Variants in ZFHX3 observed in about 807,000 individuals in gnomAD.
ZFHX3 encodes zinc finger homeobox 3, also known as zinc finger homeobox protein 3.
In ZFHX3, 42 loss-of-function variants were observed where a neutral mutation model predicts 279.1. The ratio of observed to expected loss-of-function variants is 0.15; its 90% CI spans 0.12 to 0.19. ZFHX3 has a LOEUF of 0.19. ZFHX3 is among the 10% of genes least tolerant of loss of function. The pLI is 1.00. For missense variants in ZFHX3, 4,981 were observed against 4,754.0 expected, an observed-to-expected ratio of 1.05 and a Z score of -1.40; for synonymous variants, 2,293 against 1,957.8, an observed-to-expected ratio of 1.17 and a Z score of -4.52.
intron 5 of ZFHX3, among the ~76,000 whole-genome samples, chr16:73,206,318 C>G (rs1250820767): frequency 6.6e-6 from 1 of 152,102 alleles, no homozygotes; most frequent in Non-Finnish European, 1.5e-5. Flanking sequence ...TGCTGTGCCC[C>G]CAGGTCATCA....
At chr16:73,705,444 A>C (rs1265015675) in intron 1 of ZFHX3, among the ~76,000 whole-genome samples, 1 of 152,200 alleles carries the variant, frequency 6.6e-6, no homozygotes, top group African/African-American at 2.4e-5. Context: ...ACCTTGGGCC[A>C]GTATACTCTG....
intron 3 of ZFHX3, among the ~76,000 whole-genome samples, chr16:73,359,796 T>C (rs919670099): frequency 1.3e-5 from 2 of 152,232 alleles, no homozygotes; most frequent in East Asian, 3.9e-4. Flanking sequence ...CAAGGGAACA[T>C]TGATTTCCGC....
At chr16:73,139,442 T>C (rs1033378257) in intron 6 of ZFHX3, among the ~76,000 whole-genome samples, 3 of 152,276 alleles carry the variant, frequency 2.0e-5, no homozygotes, top group African/African-American at 7.2e-5. Context: ...ATTTTTATGC[T>C]TTGATAAATT....
In ZFHX3 at chr16:73,778,924, G is replaced by A. The variant is rs575166604; in HGVS notation, c.-1607-98684C>T. 4.6e-5 allele frequency among the ~76,000 whole-genome samples: 7 copies of A among 152,312 alleles called. No homozygotes were observed. The South Asian group carries it at 1.5e-3, about 32-fold the overall frequency. On this transcript the variant is annotated intron_variant, in intron 1 of 17. Transcript: ENST00000641206. ...ATTGTTCTTCTGTGGAATATTAATC[G>A]TTAAGTTTCTAAATGGAAAATGCAC... is the stretch of plus-strand genomic sequence containing the variant.
Position 73,682,868 on chromosome 16 carries a change from A to G in ZFHX3, c.-1607-2628T>C, listed in dbSNP as rs932795932. 2.6e-3 allele frequency among the ~76,000 whole-genome samples: 73 copies of G among 28,348 alleles called. 2 individuals carry two copies. In the East Asian group the frequency reaches 0.21, roughly 82 times the overall value. The allele number at this position is 28,348 out of a possible 152,430, so 18.6% of individuals were successfully genotyped here. On this transcript the variant is annotated intron_variant, in intron 1 of 17. Coordinates refer to the ZFHX3 transcript ENST00000641206. Reference sequence around the variant, plus strand: ...AAAAAGAAAGAGAAAGAAAGAAAGAAAGAAAGAAAGAAAGAAAGAAAGAAA... The same window carrying G: ...AAAAAGAAAGAGAAAGAAAGAAAGAGAGAAAGAAAGAAAGAAAGAAAGAAA...
At chr16:73,440,742 T>C (rs2018078249) in intron 3 of ZFHX3, among the ~76,000 whole-genome samples, 1 of 152,218 alleles carries the variant, frequency 6.6e-6, no homozygotes, top group African/African-American at 2.4e-5. Flanking sequence ...GCCTTTCAAA[T>C]GGCTTTGAAA....
intron 1 of ZFHX3, among the ~76,000 whole-genome samples, chr16:73,021,938 C>A (rs1964314222): frequency 6.6e-6 from 1 of 151,794 alleles, no homozygotes; most frequent in Non-Finnish European, 1.5e-5. Context: ...GAGGCAGAGG[C>A]TGGAGTGACA....
chr16:72,929,608 T>C (rs557666377), intron 3 of ZFHX3, among the ~76,000 whole-genome samples: 48 of 152,332 alleles, frequency 3.2e-4, no homozygotes, highest in Admixed American at 2.6e-4. Context: ...TTCTGAAAGG[T>C]GGCCTCGCCC....
intron 5 of ZFHX3, among the ~76,000 whole-genome samples, chr16:73,151,884 A>C (rs903044934): frequency 2.6e-5 from 4 of 151,504 alleles, no homozygotes; most frequent in African/African-American, 9.7e-5. Flanking sequence ...AAAAACAAAA[A>C]AAAAAAAAAA....
At chr16:73,160,782 T>C (rs4788494) in intron 5 of ZFHX3, among the ~76,000 whole-genome samples, 1 of 150,336 alleles carries the variant, frequency 6.7e-6, no homozygotes, top group African/African-American at 2.5e-5. Context: ...CTTTTTTTTT[T>C]TTTTTTTTTA....
chr16:73,148,430 T>C (rs1316223200), intron 5 of ZFHX3, among the ~76,000 whole-genome samples: 1 of 152,196 alleles, frequency 6.6e-6, no homozygotes, highest in Non-Finnish European at 1.5e-5. Context: ...CATGGTTCCA[T>C]GCAGCAATTT....
At chr16:73,662,652 T>C (rs2052797644) in intron 2 of ZFHX3, among the ~76,000 whole-genome samples, 1 of 152,218 alleles carries the variant, frequency 6.6e-6, no homozygotes, top group African/African-American at 2.4e-5. Context: ...GATGGGAATA[T>C]GTTTCTTTCC....
chr16:73,687,717 A>C (rs565167953), intron 1 of ZFHX3, among the ~76,000 whole-genome samples: 1 of 151,702 alleles, frequency 6.6e-6, no homozygotes, highest in African/African-American at 2.4e-5. Flanking sequence ...TGGCACATGC[A>C]CATGCCTGTA....
rs185519711 is a variant in ZFHX3, at chr16:73,313,879, C to T, written c.-1194+4361G>A. Among the ~76,000 whole-genome samples the T allele has an allele frequency of 4.7e-4, 71 of 152,236 alleles. No homozygotes were observed. In the East Asian group the frequency reaches 0.011, roughly 24 times the overall value. On this transcript the variant is annotated intron_variant, in intron 4 of 17. Coordinates refer to the ZFHX3 transcript ENST00000641206. ...TCCCAACACTTTGGGAGGCTGTGGC[C>T]GGTGGATCTCTTGAACTCAGGAGTT...
At chr16:72,822,795 GTTTTTTTT>G (rs11365314) in intron 5 of ZFHX3, among the ~76,000 whole-genome samples, 20 of 90,442 alleles carry the variant, frequency 2.2e-4, no homozygotes, top group South Asian at 1.6e-3. Context: ...TAGAAAGTGA[GTTTTTTTT>G]TTTTTTTTTT....
intron 7 of ZFHX3, among the ~76,000 whole-genome samples, chr16:73,115,482 C>G (rs994372516): frequency 2.6e-5 from 4 of 151,366 alleles, no homozygotes; most frequent in African/African-American, 9.7e-5. Context: ...CCTGGGAGGT[C>G]GAGGCTGCAG....
chr16:73,336,900 C>G (rs1485113449), intron 3 of ZFHX3, among the ~76,000 whole-genome samples: 1 of 152,092 alleles, frequency 6.6e-6, no homozygotes, highest in South Asian at 2.1e-4. Context: ...CTCGCTTCCC[C>G]AAACCTCTAC....
chr16:73,298,510 T>C (rs572728179), intron 4 of ZFHX3, among the ~76,000 whole-genome samples: 1 of 152,082 alleles, frequency 6.6e-6, no homozygotes, highest in East Asian at 1.9e-4. Context: ...GTTTTTTTTT[T>C]TTTTTTCACT....
At chr16:73,874,207 T>C (rs570020467) in intron 1 of ZFHX3, among the ~76,000 whole-genome samples, 2 of 152,278 alleles carry the variant, frequency 1.3e-5, no homozygotes, top group Admixed American at 6.5e-5. Context: ...AGATATATTA[T>C]ATACATACTG....
Sources: gnomAD v4.1 joint callset for allele counts (sites outside exome capture counted in the v4.1 genomes callset) on GRCh38, gnomAD v4.1.1 for gene constraint, MANE v1.5 for transcripts, NCBI Gene and HGNC (gene_info 2026-07-23, HGNC 2026-07-21) for gene names.